The following PSD3 variants were observed in gnomAD, a reference collection of about 807,000 sequenced individuals.
The protein encoded by PSD3 is PH and SEC7 domain-containing protein 3.
A neutral mutation model predicts 105.5 loss-of-function variants in PSD3; 49 were observed. The ratio of observed to expected loss-of-function variants is 0.46; its 90% confidence interval spans 0.37 to 0.59. The LOEUF is 0.59. Among genes scored for constraint, PSD3 ranks in the 20% least tolerant of loss-of-function variants. The probability of loss-of-function intolerance (pLI) is 0.00; values close to 1 mark genes in which losing one functional copy is unlikely to be tolerated. For synonymous variants in PSD3, 557 were observed against 457.8 expected, an observed-to-expected ratio of 1.22 and a Z score of -2.77; for missense variants, 1,561 against 1,263.8, an observed-to-expected ratio of 1.24 and a Z score of -3.57.
intron 1 of PSD3, among the ~76,000 whole-genome samples, chr8:18,957,613 G>A (rs1312245946): frequency 1.3e-5 from 2 of 152,150 alleles, no homozygotes; most frequent in Admixed American, 6.5e-5. Context: ...GCCTAGACAG[G>A]GAGGGCTGTA....
chr8:18,977,562 T>G (rs543931963), intron 1 of PSD3, among the ~76,000 whole-genome samples: 2 of 152,278 alleles, frequency 1.3e-5, no homozygotes, highest in African/African-American at 4.8e-5. Flanking sequence ...TTATCTGTAT[T>G]TAAAAAGATA....
intron 9 of PSD3, among the ~76,000 whole-genome samples, chr8:18,656,425 G>T (rs1808899000): frequency 6.6e-6 from 1 of 151,784 alleles, no homozygotes; most frequent in Admixed American, 6.6e-5. Context: ...TAAGATACTT[G>T]GTAGGGGGAC....
At chr8:18,715,050 T>G (rs903302821) in intron 9 of PSD3, among the ~76,000 whole-genome samples, 4 of 152,190 alleles carry the variant, frequency 2.6e-5, no homozygotes, top group Non-Finnish European at 5.9e-5. Flanking sequence ...AAACACTGCA[T>G]GTTCTCACTC....
At chr8:18,567,989 T>C (rs1490921767) in intron 14 of PSD3, among the ~76,000 whole-genome samples, 1 of 152,166 alleles carries the variant, frequency 6.6e-6, no homozygotes, top group African/African-American at 2.4e-5. Flanking sequence ...CAAGTGAAAG[T>C]GGGTTGTTAA....
chr8:19,033,984 G>C (rs1158283166), intron 1 of PSD3, among the ~76,000 whole-genome samples: 2 of 152,146 alleles, frequency 1.3e-5, no homozygotes, highest in Admixed American at 6.5e-5. Flanking sequence ...AATATCTAGG[G>C]AAACGTGATT....
chr8:18,930,834 C>G (rs960744140), intron 2 of PSD3, among the ~76,000 whole-genome samples: 6 of 152,142 alleles, frequency 3.9e-5, no homozygotes, highest in Non-Finnish European at 7.3e-5. Flanking sequence ...TCCCAAAGTG[C>G]TGGGATTACA....
At chr8:18,668,642 C>T (rs56283041) in intron 9 of PSD3, among the ~76,000 whole-genome samples, 2,060 of 152,228 alleles carry the variant, frequency 0.014, 20 homozygotes, top group Non-Finnish European at 0.021. Context: ...TTTTAACTGC[C>T]CTAATCACAA....
At chr8:18,966,568 TAAA>T (rs34134930) in intron 1 of PSD3, among the ~76,000 whole-genome samples, 3 of 135,920 alleles carry the variant, frequency 2.2e-5, no homozygotes, top group African/African-American at 2.7e-5. Flanking sequence ...GAGACTGTCT[TAAA>T]AAAAAAAAAA....
At chr8:18,801,686 C>T (rs569276883) in intron 6 of PSD3, among the ~76,000 whole-genome samples, 12 of 152,112 alleles carry the variant, frequency 7.9e-5, no homozygotes, top group African/African-American at 1.9e-4. Flanking sequence ...AAAAATTAGC[C>T]GGGCATGGTG....
At chr8:18,744,971 G>A (rs1563217982) in intron 9 of PSD3, among the ~76,000 whole-genome samples, 1 of 152,146 alleles carries the variant, frequency 6.6e-6, no homozygotes, top group Non-Finnish European at 1.5e-5. Context: ...GGGTTTGGCT[G>A]CTGTTTTCTC....
At chr8:18,978,991 G>C (rs1172033103) in intron 1 of PSD3, among the ~76,000 whole-genome samples, 1 of 152,144 alleles carries the variant, frequency 6.6e-6, no homozygotes, top group East Asian at 1.9e-4. Context: ...CCAGATGCCT[G>C]TGTTCCTTCT....
intron 9 of PSD3, among the ~76,000 whole-genome samples, chr8:18,684,423 T>C (rs1416669792): frequency 6.6e-6 from 1 of 152,060 alleles, no homozygotes. Context: ...CAAGGCACCA[T>C]GTGGGGTGGG....
intron 2 of PSD3, among the ~76,000 whole-genome samples, chr8:18,915,983 C>T (rs1011219122): frequency 2.0e-5 from 3 of 151,978 alleles, no homozygotes; most frequent in African/African-American, 7.3e-5. Flanking sequence ...GTAATCCCAG[C>T]TACTCGGGAG....
At chr8:18,937,117 G>A (rs17468793) in intron 1 of PSD3, among the ~76,000 whole-genome samples, 45,753 of 152,084 alleles carry the variant, frequency 0.3, 8,707 homozygotes, top group Non-Finnish European at 0.43. Flanking sequence ...CTCCTTCCTC[G>A]CTGTTTTAGG....
At chr8:18,769,416 TA>T in intron 8 of PSD3, among the ~76,000 whole-genome samples, 1 of 152,296 alleles carries the variant, frequency 6.6e-6, no homozygotes, top group Admixed American at 6.5e-5. Flanking sequence ...ATTTTTCTCT[TA>T]AAAAAGTGTG....
chr8:18,723,260 A>G (rs754940273), intron 9 of PSD3, among the ~76,000 whole-genome samples: 9 of 152,190 alleles, frequency 5.9e-5, no homozygotes, highest in Admixed American at 1.3e-4. Context: ...GTAACGATCA[A>G]TATTACTGTT....
chr8:18,625,187 T>TACACACAC lies in PSD3; in HGVS notation c.2410+7418_2410+7425dup, dbSNP rs3042894. Among the ~76,000 whole-genome samples the TACACACAC allele has an allele frequency of 7.6e-3, 1,133 of 149,358 alleles. 12 individuals carry two copies. The highest frequency in any genetic ancestry group is 0.026 in the African/African-American group (1,035 of 40,588). On this transcript the variant is annotated intron_variant, in intron 11 of 15. Coordinates refer to ENST00000327040, the MANE Select transcript of PSD3 (RefSeq NM_015310.4). ...TTTGTGTTAGAACTGAGGTGGGGAA[T>TACACACAC]ACACACACACACACACACACACACA...
At chr8:18,962,871 T>G (rs1304239023) in intron 1 of PSD3, among the ~76,000 whole-genome samples, 1 of 152,230 alleles carries the variant, frequency 6.6e-6, no homozygotes, top group Non-Finnish European at 1.5e-5. Context: ...ACAGAAAGGT[T>G]AAAGGTCACG....
intron 11 of PSD3, among the ~76,000 whole-genome samples, chr8:18,629,915 T>C (rs757397015): frequency 8.6e-5 from 13 of 151,850 alleles, no homozygotes; most frequent in Non-Finnish European, 1.9e-4. Flanking sequence ...CTAACATTAA[T>C]GTGATTTGGA....
Sources: gnomAD v4.1 joint callset for allele counts (sites outside exome capture counted in the v4.1 genomes callset) on GRCh38, gnomAD v4.1.1 for gene constraint, MANE v1.5 for transcripts, NCBI Gene and HGNC (gene_info 2026-07-23, HGNC 2026-07-21) for gene names.